Variants in SS18L1 observed in about 807,000 individuals in gnomAD.
SS18L1 encodes the protein SS18L1 subunit of BAF chromatin remodeling complex.
Under a neutral mutation model 70.3 loss-of-function variants are expected in SS18L1, and 32 were observed. The observed-to-expected ratio is 0.46, with a 90% confidence interval of 0.34 to 0.61. SS18L1 has a LOEUF of 0.61. Ranked by LOEUF, SS18L1 falls within the 20% of genes least tolerant of loss-of-function variation. SS18L1 has a pLI of 0.01. For synonymous variants in SS18L1, 237 were observed against 229.7 expected (o/e 1.03, Z -0.29); for missense variants, 430 against 542.1 (o/e 0.79, Z 2.05).
intron 1 of SS18L1, chr20:62,154,563 C>G (rs1802955413): frequency 4.0e-6 from 4 of 1,010,890 alleles, no homozygotes; most frequent in South Asian, 9.3e-5. Context: ...GGGGGTGTCC[C>G]TTGGTATGGG....
chr20:62,146,020 T>G (rs1180912590), intron 1 of SS18L1, among the ~76,000 whole-genome samples: 1 of 148,672 alleles, frequency 6.7e-6, no homozygotes, highest in African/African-American at 2.6e-5. Context: ...GAGAAAGAGG[T>G]CTACAACTTG....
Position 62,159,405 on chromosome 20 carries a change from G to A in SS18L1, c.147-472G>A, listed in dbSNP as rs182557326. On this transcript the variant is annotated intron_variant, in intron 2 of 10. Transcript: ENST00000331758. The surrounding 1 kb of genome is among the most constrained non-coding windows in gnomAD (Gnocchi z 4.4). The stretch of plus-strand genomic sequence containing the variant: ...GAAGGGACTGGGTCCCCACTGGTGC[G>A]AGGTATACGAGGGGCCTTCCCTGGC... Among the ~76,000 whole-genome samples the A allele has an allele frequency of 6.6e-5, 10 of 152,272 alleles. No individual in the cohort carries two copies. Among genetic ancestry groups the A allele is most frequent in the Admixed American group, 2.0e-4 (3 of 15,300 alleles).
At position 62,162,786 on chromosome 20, in the gene SS18L1, T is replaced by C; in HGVS notation, c.411T>C (p.Pro137=). The part of the protein sequence containing the change: ...PSHVSMQQTA[P]NTLPTTSMSI... ...ACGTGTCCATGCAGCAGACGGCGCCTAACACGCTGCCCACCACCTCCATGA... is the reference window on the plus strand; with the variant it reads ...ACGTGTCCATGCAGCAGACGGCGCCCAACACGCTGCCCACCACCTCCATGA... Residue 137 remains proline, a synonymous_variant, in exon 5 of 11, where the codon CCT becomes CCC. Transcript: ENST00000331758. 1 of 1,612,396 alleles carries C rather than the reference T, an allele frequency of 6.2e-7. No individual in the cohort carries two copies. Among genetic ancestry groups the C allele is most frequent in the East Asian group, 2.2e-5 (1 of 44,844 alleles).
chr20:62,153,429 T>A (rs887413072), intron 1 of SS18L1, among the ~76,000 whole-genome samples: 1 of 152,104 alleles, frequency 6.6e-6, no homozygotes, highest in African/African-American at 2.4e-5. Context: ...CACTTTGGAA[T>A]GGGTTTAGGG....
At position 62,161,349 on chromosome 20, in the gene SS18L1, G is replaced by C; in HGVS notation, c.232-87G>C. ...GCCATGATGTGTGGCGGCAAATCTC[G>C]GGTGCCCTCTCATCCCTGGCCTGGC... is the stretch of plus-strand genomic sequence containing the variant. On this transcript the variant is annotated intron_variant, in intron 3 of 10. Transcript: ENST00000331758. This position sits in a 1 kb window ranked among gnomAD's most constrained non-coding sequence, Gnocchi z 4.4. The C allele has an allele frequency of 6.3e-7, 1 of 1,594,288 alleles. No homozygotes were observed. The highest frequency in any genetic ancestry group is 1.1e-5 in the South Asian group (1 of 89,926).
intron 1 of SS18L1, among the ~76,000 whole-genome samples, chr20:62,147,316 G>T (rs900763574): frequency 6.6e-5 from 10 of 152,298 alleles, no homozygotes; most frequent in African/African-American, 2.4e-4. Context: ...ACTGTGCTGG[G>T]GAACCCTGCG....
At chr20:62,160,150 A>C (rs1053468891) in intron 3 of SS18L1, among the ~76,000 whole-genome samples, 189 bp downstream of exon 3, 1 of 146,980 alleles carries the variant, frequency 6.8e-6, no homozygotes, top group Non-Finnish European at 1.5e-5. Context: ...GGGAGTAATG[A>C]CAGCGTCTGA....
At chr20:62,172,220 G>A (rs569693443) in intron 8 of SS18L1, among the ~76,000 whole-genome samples, 1 of 151,950 alleles carries the variant, frequency 6.6e-6, no homozygotes, top group African/African-American at 2.4e-5. Flanking sequence ...CTAGCTACTT[G>A]GGAGGCTGAA....
chr20:62,169,550 G>A (rs926413432), intron 8 of SS18L1, among the ~76,000 whole-genome samples: 6 of 152,088 alleles, frequency 3.9e-5, no homozygotes, highest in East Asian at 3.9e-4. Flanking sequence ...AGGCTGAGGC[G>A]GGTGGATCAC....
At chr20:62,154,068 T>C (rs2057180104) in intron 1 of SS18L1, among the ~76,000 whole-genome samples, 1 of 152,160 alleles carries the variant, frequency 6.6e-6, no homozygotes, top group Non-Finnish European at 1.5e-5. Flanking sequence ...TGAACGTGAC[T>C]TTGCTGCCAA....
rs1568755632 is a variant in SS18L1 at position 62,165,532 on chromosome 20, GTGCTGGGCTC to G, written c.916+19_916+28del. 4.7e-6 allele frequency: 6 copies of G among 1,286,092 alleles called. No individual in the cohort carries two copies. In the South Asian group the frequency reaches 9.1e-5, roughly 20 times the overall value. 79.7% of individuals were successfully genotyped at this position (1,286,092 alleles called of 1,614,324 possible). ...TGAGGGGGGTAAGGAGCACGGCTGCGTGCTGGGCTCGAGCGTAAGCGCCACACGCAGCAGA... is the reference window on the plus strand; with the variant it reads ...TGAGGGGGGTAAGGAGCACGGCTGCGGAGCGTAAGCGCCACACGCAGCAGA... On this transcript the variant is annotated intron_variant, in intron 8 of 10. Transcript: ENST00000331758.
intron 1 of SS18L1, among the ~76,000 whole-genome samples, chr20:62,148,331 G>A (rs910216681): frequency 7.4e-5 from 11 of 148,462 alleles, no homozygotes; most frequent in Non-Finnish European, 1.5e-4. Flanking sequence ...AGGGAGGCTT[G>A]GCCTCCTTGC....
chr20:62,147,561 G>A (rs1319194983), intron 1 of SS18L1, among the ~76,000 whole-genome samples: 1 of 152,148 alleles, frequency 6.6e-6, no homozygotes, highest in African/African-American at 2.4e-5. Flanking sequence ...GTTTCTGTTT[G>A]TATTGGTTTT....
intron 5 of SS18L1, 66 bp from the exon 6 acceptor site, chr20:62,163,392 G>C (rs893831010): frequency 8.8e-6 from 14 of 1,595,972 alleles, no homozygotes; most frequent in Admixed American, 3.4e-5. Context: ...GCAGGAGGTA[G>C]TTGGGTGTGG....
At chr20:62,165,707 T>C (rs1468525698) in intron 8 of SS18L1, among the ~76,000 whole-genome samples, 193 bp downstream of exon 8, 1 of 152,150 alleles carries the variant, frequency 6.6e-6, no homozygotes, top group Non-Finnish European at 1.5e-5. Context: ...GCTTGCCTTA[T>C]GGGTGTGTTC....
intron 8 of SS18L1, among the ~76,000 whole-genome samples, chr20:62,165,957 A>C (rs934812959): frequency 6.6e-6 from 1 of 152,140 alleles, no homozygotes; most frequent in African/African-American, 2.4e-5. Context: ...GCGTTTCTTC[A>C]GACACCTGCA....
Position 62,180,895 on chromosome 20 carries a change from CA to C in SS18L1, c.*1694del. 1 of 169,692 alleles carries C rather than the reference CA, an allele frequency of 5.9e-6. No individual in the cohort carries two copies. Among genetic ancestry groups the C allele is most frequent in the East Asian group, 1.1e-4 (1 of 9,188 alleles). The allele number at this position is 169,692 out of a possible 1,614,324, so 10.5% of individuals were successfully genotyped here. On this transcript the variant is annotated 3_prime_UTR_variant, in exon 11 of 11. Transcript: ENST00000331758. ...AGGCAACAAGAGTGAAATTCCGTCT[CA>C]AAAAAATAAATAAATAAATAAATAA...
In SS18L1 at chr20:62,161,930, A is replaced by C. The variant is rs538637324; in HGVS notation, c.376+350A>C. 9.2e-5 allele frequency among the ~76,000 whole-genome samples: 14 copies of C among 152,314 alleles called. No individual in the cohort carries two copies. In the South Asian group the frequency reaches 2.9e-3, roughly 32 times the overall value. On this transcript the variant is annotated intron_variant, in intron 4 of 10. Transcript: ENST00000331758. The surrounding 1 kb of genome is among the most constrained non-coding windows in gnomAD (Gnocchi z 4.4). ...ATAACGTTTGGAGACCATTAACAGT[A>C]ATATAACAGGCCGGGTGTGGTGGCT...
intron 8 of SS18L1, among the ~76,000 whole-genome samples, chr20:62,168,414 C>T (rs1239479160): frequency 6.6e-6 from 1 of 152,160 alleles, no homozygotes; most frequent in Non-Finnish European, 1.5e-5. Flanking sequence ...TAGCCACCTT[C>T]AAACACAACT....
Sources: gnomAD v4.1 joint callset for allele counts (sites outside exome capture counted in the v4.1 genomes callset) on GRCh38, gnomAD v4.1.1 for gene constraint, Gnocchi (gnomAD v3.1) non-coding constraint, MANE v1.5 for transcripts, NCBI Gene and HGNC (gene_info 2026-07-23, HGNC 2026-07-21) for gene names.